Variants in MLLT3 observed in about 807,000 individuals in gnomAD.
The protein encoded by MLLT3 is protein AF-9.
MLLT3 carries 4 observed loss-of-function variants against 53.2 expected under a neutral mutation model. That is an observed-to-expected ratio of 0.08 (90% CI 0.04 to 0.17). MLLT3 has a LOEUF of 0.17. MLLT3 is among the 10% of genes least tolerant of loss of function. MLLT3 has a pLI of 1.00. For synonymous variants in MLLT3, 283 were observed against 230.6 expected, an observed-to-expected ratio of 1.23 and a Z score of -2.06; for missense variants, 569 against 684.0, an observed-to-expected ratio of 0.83 and a Z score of 1.87.
At chr9:20,587,873 T>C in intron 2 of MLLT3, among the ~76,000 whole-genome samples, 1 of 152,168 alleles carries the variant, frequency 6.6e-6, no homozygotes, top group Non-Finnish European at 1.5e-5. Flanking sequence ...ATTTTGGCTT[T>C]TGTTGACATT....
At chr9:20,493,882 T>C (rs1825013527) in intron 2 of MLLT3, among the ~76,000 whole-genome samples, 1 of 152,134 alleles carries the variant, frequency 6.6e-6, no homozygotes, top group Non-Finnish European at 1.5e-5. Context: ...ATTTTCCTAC[T>C]ACTCATTCTT....
At position 20,342,834 on chromosome 9, in the gene MLLT3, G is replaced by GTA. The variant is rs34950474; in HGVS notation, c.*3607_*3608dup. Reference sequence around the variant, plus strand: ...AAGATTACTCTGATAATATATATGTGTATATATATATATATATGTATATAT... The same window carrying GTA: ...AAGATTACTCTGATAATATATATGTGTATATATATATATATATATGTATATAT... On this transcript the variant is annotated 3_prime_UTR_variant, in exon 11 of 11. Coordinates refer to ENST00000380338, the MANE Select transcript of MLLT3 (RefSeq NM_004529.4). 45,231 of 165,960 alleles carry GTA rather than the reference G, an allele frequency of 0.27. 9,808 individuals are homozygous for GTA. The highest frequency in any genetic ancestry group is 0.58 in the East Asian group (4,967 of 8,512). The allele number at this position is 165,960 out of a possible 1,614,324, so 10.3% of individuals were successfully genotyped here. A position where few individuals can be genotyped will look rare whatever the true frequency, so the allele number is the denominator to read the frequency against.
chr9:20,587,349 C>G (rs944906850), intron 2 of MLLT3, among the ~76,000 whole-genome samples: 1 of 152,090 alleles, frequency 6.6e-6, no homozygotes, highest in Non-Finnish European at 1.5e-5. Context: ...AGAAGCCCAT[C>G]TGTCTCTCCT....
At chr9:20,508,665 A>C (rs1825444820) in intron 2 of MLLT3, among the ~76,000 whole-genome samples, 1 of 152,234 alleles carries the variant, frequency 6.6e-6, no homozygotes, top group African/African-American at 2.4e-5. Flanking sequence ...AATTAAAGAA[A>C]CTTAACAGAA....
chr9:20,348,512 A>C (rs1820933263), intron 10 of MLLT3, among the ~76,000 whole-genome samples: 1 of 152,234 alleles, frequency 6.6e-6, no homozygotes, highest in Non-Finnish European at 1.5e-5. Context: ...GAAGAAAAGA[A>C]AGACAAGGAG....
chr9:20,489,589 G>T (rs1038041325), intron 2 of MLLT3, among the ~76,000 whole-genome samples: 9 of 152,064 alleles, frequency 5.9e-5, no homozygotes, highest in African/African-American at 2.2e-4. Flanking sequence ...GGAGCAATTG[G>T]CTAACTTTAT....
rs769616095 is a variant in MLLT3 at position 20,360,781 on chromosome 9, G to A, written c.1392C>T (p.His464=). The A allele has an allele frequency of 1.7e-4, 277 of 1,613,992 alleles. 1 individual carries two copies. The highest frequency in any genetic ancestry group is 2.2e-4 in the Non-Finnish European group (260 of 1,179,936). Residue 464 remains histidine, a synonymous_variant, in exon 8 of 11, where the codon CAC becomes CAT. Coordinates refer to ENST00000380338, the MANE Select transcript of MLLT3 (RefSeq NM_004529.4). ...TTTTTAGTAAGGGTGGTGGAGGTTC[G>A]TGATGTAGGGGTGAAGAAGCAGAAC... is the stretch of plus-strand genomic sequence containing the variant. ...ESSSASSPLH[H]EPPPPLLKTN... is the part of the protein sequence containing the mutation.
intron 2 of MLLT3, among the ~76,000 whole-genome samples, chr9:20,616,994 G>A (rs1009376188): frequency 6.6e-6 from 1 of 152,106 alleles, no homozygotes; most frequent in African/African-American, 2.4e-5. Context: ...CAGAATATGA[G>A]ATTTCCACCA....
chr9:20,484,968 G>A (rs1013620207), intron 2 of MLLT3, among the ~76,000 whole-genome samples: 4 of 151,690 alleles, frequency 2.6e-5, no homozygotes, highest in Non-Finnish European at 5.9e-5. Flanking sequence ...TGCAAAATCT[G>A]TAATTTTATT....
chr9:20,359,385 C>A (rs557766172), intron 8 of MLLT3, among the ~76,000 whole-genome samples: 1 of 152,206 alleles, frequency 6.6e-6, no homozygotes, highest in African/African-American at 2.4e-5. Flanking sequence ...GGGCCATGAG[C>A]ACAGCTGGCC....
At chr9:20,379,998 T>A (rs1013054805) in intron 5 of MLLT3, among the ~76,000 whole-genome samples, 1 of 152,104 alleles carries the variant, frequency 6.6e-6, no homozygotes, top group Non-Finnish European at 1.5e-5. Context: ...TCCTCGTTCA[T>A]GAATATGTAG....
intron 2 of MLLT3, among the ~76,000 whole-genome samples, chr9:20,471,105 C>T (rs1266375296): frequency 6.6e-6 from 1 of 151,984 alleles, no homozygotes; most frequent in African/African-American, 2.4e-5. Flanking sequence ...TGGAATATGA[C>T]AACTTAAGCA....
intron 2 of MLLT3, among the ~76,000 whole-genome samples, chr9:20,542,238 A>AT (rs35985088): frequency 0.058 from 2,944 of 50,578 alleles, 122 homozygotes; most frequent in African/African-American, 0.12. Context: ...GAGCAGTAAT[A>AT]TTTTTTTTTT....
intron 5 of MLLT3, among the ~76,000 whole-genome samples, chr9:20,367,353 T>G (rs766299062): frequency 6.6e-6 from 1 of 152,232 alleles, no homozygotes; most frequent in Admixed American, 6.5e-5. Context: ...GCTCCCCAGA[T>G]AGTCTGTAGA....
intron 5 of MLLT3, chr9:20,411,724 C>T (rs946646663): frequency 6.6e-6 from 1 of 151,874 alleles, no homozygotes; most frequent in South Asian, 2.1e-4. Flanking sequence ...TCAAATTGAA[C>T]AAGAATTTTA....
At chr9:20,548,762 G>A (rs1818852399) in intron 2 of MLLT3, among the ~76,000 whole-genome samples, 1 of 151,986 alleles carries the variant, frequency 6.6e-6, no homozygotes, top group African/African-American at 2.4e-5. Context: ...AGACTGATGG[G>A]CAATATTTGT....
In MLLT3 at chr9:20,413,894, G is replaced by A; in HGVS notation, c.952C>T (p.Leu318Phe). The part of the protein sequence containing the change: ...KSFSSAPPLI[L>F]TCSADKKQIK... The stretch of plus-strand genomic sequence containing the variant: ...TGTTTTTTGTCAGCAGAACAAGTGA[G>A]TATCAGTGGTGGTGCGCTAGAAAAA... The change falls in exon 5 of 11, where the codon CTC becomes TTC. Residue 318 changes from leucine to phenylalanine, a missense_variant. By Grantham distance (22) the Leu-to-Phe change is conservative. Transcript: ENST00000380338. The A allele has an allele frequency of 6.2e-7, 1 of 1,614,054 alleles. No individual in the cohort carries two copies. Among genetic ancestry groups the A allele is most frequent in the African/African-American group, 1.3e-5 (1 of 75,040 alleles).
intron 2 of MLLT3, among the ~76,000 whole-genome samples, chr9:20,529,681 GACAA>G (rs1413855498): frequency 6.8e-6 from 1 of 146,994 alleles, no homozygotes; most frequent in Non-Finnish European, 1.5e-5. Flanking sequence ...CATGAGAAAT[GACAA>G]ACAAAATTCA....
intron 4 of MLLT3, chr9:20,415,398 TC>T (rs1822845496): frequency 2.3e-6 from 2 of 851,202 alleles, no homozygotes; most frequent in Non-Finnish European, 2.8e-6. Flanking sequence ...CTATATATAA[TC>T]TTTCTGTTTA....
Sources: allele counts gnomAD v4.1 joint callset (sites outside exome capture counted in the v4.1 genomes callset), GRCh38; gene constraint gnomAD v4.1.1; transcripts MANE v1.5; gene names NCBI Gene and HGNC (gene_info 2026-07-23, HGNC 2026-07-21).